Variants in NUP210 observed in about 807,000 individuals in gnomAD.
NUP210 encodes the protein nucleoporin 210.
In NUP210, 151 loss-of-function variants were observed where a neutral mutation model predicts 196.0. The observed-to-expected ratio is 0.77, with a 90% CI of 0.67 to 0.88. The LOEUF (loss-of-function observed/expected upper bound fraction) is 0.88, where lower values mean the gene tolerates loss of function less well. Among genes scored for constraint, NUP210 ranks in the 40% least tolerant of loss-of-function variants. The pLI is 0.00. For missense variants in NUP210, 2,314 were observed against 2,493.7 expected, an observed-to-expected ratio of 0.93 and a Z score of 1.53; for synonymous variants, 1,070 against 1,052.7, an observed-to-expected ratio of 1.02 and a Z score of -0.32.
At chr3:13,322,010 G>A (rs1333824315) in intron 35 of NUP210, among the ~76,000 whole-genome samples, 175 bp from the exon 36 acceptor site, 1 of 152,158 alleles carries the variant, frequency 6.6e-6, no homozygotes, top group Non-Finnish European at 1.5e-5. Context: ...GGCCAAGCTA[G>A]GATACCCTCT....
chr3:13,394,928 G>A (rs1401210999), intron 3 of NUP210, among the ~76,000 whole-genome samples: 4 of 152,192 alleles, frequency 2.6e-5, no homozygotes, highest in Non-Finnish European at 5.9e-5. Flanking sequence ...AAGTATTTCG[G>A]GGCGAGGAGG....
rs1403649261 is a variant in NUP210, at chr3:13,321,671, C to G, written c.5080G>C (p.Asp1694His). 1.2e-6 allele frequency: 2 copies of G among 1,614,066 alleles called. No homozygotes were observed. Among genetic ancestry groups the G allele is most frequent in the Non-Finnish European group, 1.7e-6 (2 of 1,180,008 alleles). Residue 1694 changes from aspartate to histidine, a missense_variant, in exon 36 of 40, where the codon GAC becomes CAC. Coordinates refer to ENST00000254508, the MANE Select transcript of NUP210 (RefSeq NM_024923.4). ...TTGCTCAAAAGGATTTCAGCCTGGT[C>G]GGCGAAGAGACCTGGGCTGAAGGGC... Reference protein sequence around the residue: ...EVPFSPGLFADQAEILLSNHY... With the variant: ...EVPFSPGLFAHQAEILLSNHY...
intron 9 of NUP210, 114 bp from the exon 10 acceptor site, chr3:13,376,545 CCCTGGGGCTCAG>C: frequency 8.4e-7 from 1 of 1,194,630 alleles, no homozygotes; most frequent in South Asian, 1.4e-5. Flanking sequence ...CCAAGGGGCC[CCCTGGGGCTCAG>C]CAGCCTCCAC....
rs1180888779 is a variant in NUP210, at chr3:13,401,602, C to T, written c.168-1741G>A. 3.3e-5 allele frequency among the ~76,000 whole-genome samples: 5 copies of T among 152,310 alleles called. No individual in the cohort carries two copies. In the East Asian group the frequency reaches 7.7e-4, roughly 24 times the overall value. Reference sequence around the variant, plus strand: ...ACAGCAAAGCAGGCACAAGCCCACACAGGAGACAAGAAGCAGGTGCCTATG... The same window carrying T: ...ACAGCAAAGCAGGCACAAGCCCACATAGGAGACAAGAAGCAGGTGCCTATG... On this transcript the variant is annotated intron_variant, in intron 1 of 39. Coordinates refer to ENST00000254508, the MANE Select transcript of NUP210 (RefSeq NM_024923.4).
rs1699045810 is a variant in NUP210, at chr3:13,379,803, A to T, written c.818-82T>A. ...TAGAAGCCAATACACTCCCACTGCCACCCCGAATCTCTGCACTCTGCTCTC... is the reference window on the plus strand; with the variant it reads ...TAGAAGCCAATACACTCCCACTGCCTCCCCGAATCTCTGCACTCTGCTCTC... On this transcript the variant is annotated intron_variant, in intron 6 of 39. Coordinates refer to ENST00000254508, the MANE Select transcript of NUP210 (RefSeq NM_024923.4). The surrounding 1 kb of genome is among the most constrained non-coding windows in gnomAD (Gnocchi z 4.2). 8.2e-7 allele frequency: 1 copy of T among 1,224,278 alleles called. No individual in the cohort carries two copies. Among genetic ancestry groups the T allele is most frequent in the African/African-American group, 1.5e-5 (1 of 65,482 alleles). 75.8% of individuals were successfully genotyped at this position (1,224,278 alleles called of 1,614,324 possible).
Position 13,320,276 on chromosome 3 carries a change from A to G in NUP210, c.5167-297T>C, listed in dbSNP as rs114231889. Among the ~76,000 whole-genome samples, 278 of 152,284 alleles carry G rather than the reference A, an allele frequency of 1.8e-3. 2 individuals carry two copies. The highest frequency in any genetic ancestry group is 6.4e-3 in the African/African-American group (265 of 41,572). Reference sequence around the variant, plus strand: ...CAGGGTGTTTTTTGAGGGAAGGACAAATCAATATGAATGTCAGAATCAAAT... The same window carrying G: ...CAGGGTGTTTTTTGAGGGAAGGACAGATCAATATGAATGTCAGAATCAAAT... On this transcript the variant is annotated intron_variant, in intron 36 of 39. Transcript: ENST00000254508.
chr3:13,400,288 G>A (rs189293310), intron 1 of NUP210, among the ~76,000 whole-genome samples: 142 of 152,268 alleles, frequency 9.3e-4, no homozygotes, highest in African/African-American at 3.1e-3. Flanking sequence ...CAGGCCTGGC[G>A]CACAGCAGGC....
intron 27 of NUP210, 101 bp downstream of exon 27, chr3:13,336,686 G>C: frequency 7.5e-6 from 10 of 1,335,802 alleles, no homozygotes; most frequent in South Asian, 5.4e-5. Flanking sequence ...GTGAGGGTGG[G>C]GACTTCCTGT....
In NUP210 at chr3:13,330,632, T is replaced by G. The variant is rs757202951; in HGVS notation, c.3938A>C (p.Asp1313Ala). 5 of 1,613,298 alleles carry G rather than the reference T, an allele frequency of 3.1e-6. No homozygotes were observed. Among genetic ancestry groups the G allele is most frequent in the Non-Finnish European group, 4.2e-6 (5 of 1,179,734 alleles). ...NSYIKLQTNR[D>A]GAASLSYRVL... Reference sequence around the variant, plus strand: ...GCGGTAGCTCAGAGAGGCTGCACCATCCCTTTGGAAAACAAAACAGAGCTG... The same window carrying G: ...GCGGTAGCTCAGAGAGGCTGCACCAGCCCTTTGGAAAACAAAACAGAGCTG... Residue 1313 changes from aspartate (D) to alanine (A), a missense_variant and splice_region_variant, in exon 30 of 40, where the codon GAT (aspartate) becomes GCT (alanine). Asp to Ala is a moderately radical substitution (Grantham distance 126). Transcript: ENST00000254508.
intron 16 of NUP210, among the ~76,000 whole-genome samples, chr3:13,357,838 G>A (rs1038968767): frequency 2.6e-5 from 4 of 152,232 alleles, no homozygotes; most frequent in African/African-American, 7.2e-5. Flanking sequence ...CAGCCCCCAC[G>A]CCTACTCTGA....
chr3:13,358,246 C>G lies in NUP210; in HGVS notation c.2304G>C (p.Pro768=). 1 of 1,609,960 alleles carries G rather than the reference C, an allele frequency of 6.2e-7. No individual in the cohort carries two copies. Among genetic ancestry groups the G allele is most frequent in the Non-Finnish European group, 8.5e-7 (1 of 1,177,474 alleles). The change falls in exon 16 of 40, where the codon CCG becomes CCC. Residue 768 remains proline, a synonymous_variant. Coordinates refer to ENST00000254508, the MANE Select transcript of NUP210 (RefSeq NM_024923.4). The part of the protein sequence containing the change: ...YTSPQLDMSC[P]LLQQNKQVVP... ...CCACCTGCTTGTTCTGCTGCAGCAG[C>G]GGACAGGACATGTCCAGCTGGGGGC...
intron 5 of NUP210, among the ~76,000 whole-genome samples, chr3:13,387,339 G>A (rs1472164858): frequency 2.0e-5 from 3 of 152,238 alleles, no homozygotes; most frequent in African/African-American, 7.2e-5. Context: ...CACGCAGGCA[G>A]GGAGGGCCAC....
At chr3:13,376,808 G>C (rs1281611299) in intron 9 of NUP210, among the ~76,000 whole-genome samples, 2 of 152,186 alleles carry the variant, frequency 1.3e-5, no homozygotes, top group East Asian at 3.8e-4. Context: ...GCCCTTGTTT[G>C]ATAACATGAG....
At chr3:13,356,146 C>G (rs143453668) in intron 16 of NUP210, among the ~76,000 whole-genome samples, 1 of 152,186 alleles carries the variant, frequency 6.6e-6, no homozygotes, top group Non-Finnish European at 1.5e-5. Context: ...GTGAGCCACA[C>G]GCTAGAGGAC....
At chr3:13,399,648 C>T in intron 2 of NUP210, 77 bp downstream of exon 2, 1 of 1,601,918 alleles carries the variant, frequency 6.2e-7, no homozygotes, top group Non-Finnish European at 8.5e-7. Context: ...CAGGTAGCCT[C>T]TAGGACCCTG....
intron 29 of NUP210, 75 bp downstream of exon 29, chr3:13,332,218 C>G (rs1697023467): frequency 1.7e-6 from 2 of 1,197,184 alleles, no homozygotes; most frequent in African/African-American, 3.0e-5. Flanking sequence ...TGGCTCCTGA[C>G]AGTGTTGACA....
chr3:13,413,193 C>T (rs1051019082), intron 1 of NUP210, among the ~76,000 whole-genome samples: 22 of 151,884 alleles, frequency 1.4e-4, no homozygotes, highest in African/African-American at 4.3e-4. Context: ...TGAGGCCGGG[C>T]GCGGTGGCTC....
chr3:13,409,840 A>AT (rs35874792), intron 1 of NUP210, among the ~76,000 whole-genome samples: 62,236 of 147,410 alleles, frequency 0.42, 13,062 homozygotes, highest in Middle Eastern at 0.53. Flanking sequence ...CTGAATACTA[A>AT]TTTTTTTTTT....
rs1056244396 is a variant in NUP210 at position 13,397,583 on chromosome 3, C to G, written c.305-95G>C. On this transcript the variant is annotated intron_variant, in intron 2 of 39. Coordinates refer to ENST00000254508, the MANE Select transcript of NUP210 (RefSeq NM_024923.4). ...CAGGCTTACACTCTGGCAAAGACCA[C>G]GGCAACCACCAGCTTCACCCTCAGA... The G allele has an allele frequency of 4.5e-6, 6 of 1,337,348 alleles. No homozygotes were observed. In the South Asian group the frequency reaches 6.8e-5, roughly 15 times the overall value. The allele number at this position is 1,337,348 out of a possible 1,614,324, so 82.8% of individuals were successfully genotyped here. A position where few individuals can be genotyped will look rare whatever the true frequency, so the allele number is the denominator to read the frequency against.
Sources: gnomAD v4.1 joint callset for allele counts (sites outside exome capture counted in the v4.1 genomes callset) on GRCh38, gnomAD v4.1.1 for gene constraint, Gnocchi (gnomAD v3.1) non-coding constraint, MANE v1.5 for transcripts, NCBI Gene and HGNC (gene_info 2026-07-23, HGNC 2026-07-21) for gene names.